Variants in OSBPL10 observed in about 807,000 individuals in gnomAD.
OSBPL10 encodes the protein oxysterol-binding protein-related protein 10.
A neutral mutation model predicts 81.7 loss-of-function variants in OSBPL10; 49 were observed. The ratio of observed to expected loss-of-function variants is 0.60; its 90% CI spans 0.48 to 0.76. OSBPL10 has a LOEUF of 0.76. OSBPL10 is among the 30% of genes least tolerant of loss of function. OSBPL10 has a pLI of 0.00. For synonymous variants in OSBPL10, 419 were observed against 383.6 expected (o/e 1.09, Z -1.08); for missense variants, 923 against 987.8 (o/e 0.93, Z 0.88).
chr3:31,732,020 T>C (rs1344865165), intron 6 of OSBPL10, among the ~76,000 whole-genome samples: 2 of 152,184 alleles, frequency 1.3e-5, no homozygotes, highest in Non-Finnish European at 2.9e-5. Flanking sequence ...ATAGCCCCAG[T>C]TAGGTTTTGC....
At chr3:32,008,316 C>A (rs1699223700) in intron 2 of OSBPL10, among the ~76,000 whole-genome samples, 1 of 131,644 alleles carries the variant, frequency 7.6e-6, no homozygotes, top group Non-Finnish European at 1.6e-5. Context: ...CAATGCTCAG[C>A]TAATTTTTGT....
In OSBPL10 at chr3:31,736,998, C is replaced by T. The variant is rs75817801; in HGVS notation, c.941-3587G>A. On this transcript the variant is annotated intron_variant, in intron 5 of 11. Coordinates refer to ENST00000396556, the MANE Select transcript of OSBPL10 (RefSeq NM_017784.5). ...CACCTCAACTCTGTGTCTCCCTCCC[C>T]TCTATCCCATCATTATCCAGATATG... 0.011 allele frequency among the ~76,000 whole-genome samples: 1,607 copies of T among 152,342 alleles called. 88 individuals are homozygous for T. The East Asian group carries it at 0.14, about 13-fold the overall frequency.
intron 6 of OSBPL10, among the ~76,000 whole-genome samples, chr3:31,729,962 C>T (rs6550065): frequency 0.048 from 7,233 of 152,272 alleles, 558 homozygotes; most frequent in African/African-American, 0.16. Context: ...AAATGCATCT[C>T]CCAGTAACGT....
intron 1 of OSBPL10, among the ~76,000 whole-genome samples, chr3:31,902,150 A>G (rs1696260755): frequency 6.6e-6 from 1 of 152,044 alleles, no homozygotes. Context: ...GGCTAAGAAG[A>G]TCTCACTTCA....
intron 4 of OSBPL10, among the ~76,000 whole-genome samples, chr3:31,760,903 T>C (rs1332347083): frequency 6.6e-6 from 1 of 152,352 alleles, no homozygotes; most frequent in African/African-American, 2.4e-5. Flanking sequence ...ACAAACTCTC[T>C]GTATCTAAAT....
At chr3:31,858,467 C>G (rs576044358) in intron 3 of OSBPL10, among the ~76,000 whole-genome samples, 1 of 152,232 alleles carries the variant, frequency 6.6e-6, no homozygotes, top group East Asian at 1.9e-4. Context: ...TTAGCTGGGT[C>G]CTGAAAGCAC....
At chr3:31,863,976 A>C (rs1304518920) in intron 3 of OSBPL10, among the ~76,000 whole-genome samples, 1 of 152,222 alleles carries the variant, frequency 6.6e-6, no homozygotes, top group Non-Finnish European at 1.5e-5. Context: ...AGAAGGAAGA[A>C]GCAGCGTTGA....
intron 1 of OSBPL10, among the ~76,000 whole-genome samples, chr3:31,941,972 C>T (rs1238954367): frequency 6.6e-6 from 1 of 152,138 alleles, no homozygotes; most frequent in Non-Finnish European, 1.5e-5. Flanking sequence ...CCTTCTTCTC[C>T]CAGTCGAGAA....
chr3:31,837,461 T>C (rs1700389019), intron 3 of OSBPL10, among the ~76,000 whole-genome samples: 1 of 149,680 alleles, frequency 6.7e-6, no homozygotes, highest in Non-Finnish European at 1.5e-5. Flanking sequence ...AAAAAGAAAT[T>C]TTCTTAATTA....
At chr3:31,850,236 A>C (rs1372675134) in intron 3 of OSBPL10, among the ~76,000 whole-genome samples, 7 of 152,154 alleles carry the variant, frequency 4.6e-5, no homozygotes, top group African/African-American at 1.7e-4. Context: ...CAGGAGACTG[A>C]GGCAGAAGGA....
At chr3:31,784,729 T>C (rs1204418647) in intron 4 of OSBPL10, among the ~76,000 whole-genome samples, 1 of 151,760 alleles carries the variant, frequency 6.6e-6, no homozygotes, top group Non-Finnish European at 1.5e-5. Context: ...ATTACAGGCA[T>C]GCACCACCAT....
chr3:31,662,379 C>A, intron 11 of OSBPL10: 1 of 1,206,450 alleles, frequency 8.3e-7, no homozygotes, highest in Non-Finnish European at 1.0e-6. Context: ...TCCATCGAGA[C>A]TGATTACTTG....
Position 31,996,362 on chromosome 3 carries a change from C to T in OSBPL10, n.298+50129G>A, listed in dbSNP as rs1360035647. ...CTTGATTTCTCTAAACTCTCCCCCC[C>T]GTGCAAGGGAACAATGATATGATTG... On this transcript the variant is annotated intron_variant and non_coding_transcript_variant, in intron 2 of 3. Coordinates refer to the OSBPL10 transcript ENST00000479173. Among the ~76,000 whole-genome samples, 3 of 152,176 alleles carry T rather than the reference C, an allele frequency of 2.0e-5. No individual in the cohort carries two copies. The South Asian group carries it at 6.2e-4, about 32-fold the overall frequency.
chr3:31,947,330 C>T (rs902238198), intron 1 of OSBPL10, among the ~76,000 whole-genome samples: 1 of 152,266 alleles, frequency 6.6e-6, no homozygotes, highest in East Asian at 1.9e-4. Flanking sequence ...CAGCACATCA[C>T]CAAAGCTGGA....
chr3:31,744,827 A>G (rs1028683083), intron 5 of OSBPL10, among the ~76,000 whole-genome samples: 7 of 152,182 alleles, frequency 4.6e-5, no homozygotes, highest in Non-Finnish European at 1.0e-4. Context: ...CCCTGAAGAA[A>G]TATTTTTTTC....
chr3:31,783,274 T>C (rs138181937), intron 4 of OSBPL10, among the ~76,000 whole-genome samples: 14 of 151,774 alleles, frequency 9.2e-5, no homozygotes, highest in African/African-American at 2.9e-4. Flanking sequence ...CCAAACATCA[T>C]ATGTTCTGAT....
chr3:31,838,732 T>C (rs1210991429), intron 3 of OSBPL10, among the ~76,000 whole-genome samples: 1 of 151,650 alleles, frequency 6.6e-6, no homozygotes, highest in Admixed American at 6.6e-5. Flanking sequence ...TCGAAAAAAA[T>C]TACTTTTTAA....
chr3:31,853,107 G>A (rs952205876), intron 3 of OSBPL10, among the ~76,000 whole-genome samples: 27 of 152,090 alleles, frequency 1.8e-4, no homozygotes, highest in Non-Finnish European at 3.7e-4. Flanking sequence ...CAAGCAACAA[G>A]GCTTAGGAGG....
intron 1 of OSBPL10, among the ~76,000 whole-genome samples, chr3:31,921,437 G>A (rs1289608966): frequency 6.6e-6 from 1 of 152,144 alleles, no homozygotes; most frequent in Admixed American, 6.5e-5. Context: ...CAGGAAGTAA[G>A]GAAGTGCTCA....
Sources: gnomAD v4.1 joint callset for allele counts (sites outside exome capture counted in the v4.1 genomes callset) on GRCh38, gnomAD v4.1.1 for gene constraint, MANE v1.5 for transcripts, NCBI Gene and HGNC (gene_info 2026-07-23, HGNC 2026-07-21) for gene names.